ACACA: variants seen among roughly 807,000 people sequenced by gnomAD.
ACACA encodes the protein acetyl-CoA carboxylase alpha, also known as acetyl-CoA carboxylase 1.
In ACACA, 103 loss-of-function variants were observed where a neutral mutation model predicts 296.1. The observed-to-expected ratio is 0.35, with a 90% CI of 0.30 to 0.41. The LOEUF (loss-of-function observed/expected upper bound fraction) is 0.41, where lower values mean the gene tolerates loss of function less well. Ranked by LOEUF, ACACA falls within the 10% of genes least tolerant of loss-of-function variation. ACACA has a pLI of 1.00. For missense variants in ACACA, 1,554 were observed against 2,989.7 expected (o/e 0.52, Z 11.20); for synonymous variants, 953 against 1,038.6 (o/e 0.92, Z 1.58).
At chr17:37,299,657 C>T (rs755368447) in intron 3 of ACACA, 60 of 1,103,818 alleles carry the variant, frequency 5.4e-5, no homozygotes, top group Non-Finnish European at 6.3e-5. Flanking sequence ...GCTTGTTTAA[C>T]TAGAAAGTAG....
chr17:37,146,663 G>A (rs1039150329), intron 45 of ACACA, among the ~76,000 whole-genome samples: 8 of 144,786 alleles, frequency 5.5e-5, no homozygotes, highest in African/African-American at 2.1e-4. Context: ...TAAGAGGTGG[G>A]GGGGAAGGGG....
rs188774157 is a variant in ACACA, at chr17:37,327,423, T to C, written c.338+2750A>G. Among the ~76,000 whole-genome samples the C allele has an allele frequency of 3.3e-5, 5 of 152,366 alleles. No individual in the cohort carries two copies. The East Asian group carries it at 9.6e-4, about 29-fold the overall frequency. ...AGCTAGCTGAGGAGTGAGTTGGAAC[T>C]GGCATTGTCTCCTTTCCATGCTGCT... On this transcript the variant is annotated intron_variant, in intron 3 of 55. Coordinates refer to ENST00000616317, the MANE Select transcript of ACACA (RefSeq NM_198834.3).
At chr17:37,400,738 G>GTCTGTGCGTGTGTGTGTGTGTGTA (rs2051254800) in intron 1 of ACACA, among the ~76,000 whole-genome samples, 1 of 143,778 alleles carries the variant, frequency 7.0e-6, no homozygotes, top group African/African-American at 2.6e-5. Flanking sequence ...TTGTGTGTGT[G>GTCTGTGCGTGTGTGTGTGTGTGTA]TCTGTGTGTG....
chr17:37,150,373 C>G (rs2075986580), intron 44 of ACACA, among the ~76,000 whole-genome samples: 1 of 152,016 alleles, frequency 6.6e-6, no homozygotes, highest in Admixed American at 6.6e-5. Context: ...GAAACCCTGT[C>G]TCTAGCAAAA....
intron 50 of ACACA, among the ~76,000 whole-genome samples, chr17:37,118,346 T>C (rs2074356778): frequency 6.6e-6 from 1 of 152,100 alleles, no homozygotes; most frequent in Non-Finnish European, 1.5e-5. Flanking sequence ...CCAGTGATAG[T>C]TACACAACAC....
chr17:37,131,264 A>G lies in ACACA; in HGVS notation c.5680-1046T>C, dbSNP rs551242394. Among the ~76,000 whole-genome samples the G allele has an allele frequency of 2.0e-5, 3 of 152,290 alleles. No homozygotes were observed. The South Asian group carries it at 6.2e-4, about 32-fold the overall frequency. ...TTTAAAGAAGAAAAAAAGAGGAAGA[A>G]AAGATATTCCTGGACTTGGAAATTG... On this transcript the variant is annotated intron_variant, in intron 45 of 55. Coordinates refer to ENST00000616317, the MANE Select transcript of ACACA (RefSeq NM_198834.3).
At position 37,177,269 on chromosome 17, in the gene ACACA, CGTGTGTGT is replaced by C. The variant is rs112439511; in HGVS notation, c.5079+1983_5079+1990del. Among the ~76,000 whole-genome samples the C allele has an allele frequency of 1.2e-3, 171 of 146,526 alleles. 1 individual carries two copies. The South Asian group carries it at 0.016, about 14-fold the overall frequency. On this transcript the variant is annotated intron_variant, in intron 41 of 55. Coordinates refer to ENST00000616317, the MANE Select transcript of ACACA (RefSeq NM_198834.3). ...AAAAACCTTTAATTTTTAAAAAATT[CGTGTGTGT>C]GTGTGTGTGTGTGTGTGTGTGTGTG... is the stretch of plus-strand genomic sequence containing the variant.
intron 3 of ACACA, among the ~76,000 whole-genome samples, chr17:37,293,780 T>G (rs537550347): frequency 5.8e-4 from 89 of 152,238 alleles, no homozygotes; most frequent in East Asian, 7.7e-4. Flanking sequence ...CCTCGGGTGA[T>G]CCACCCTCCT....
chr17:37,239,338 T>G (rs2080275914), intron 24 of ACACA, among the ~76,000 whole-genome samples: 1 of 152,212 alleles, frequency 6.6e-6, no homozygotes, highest in Non-Finnish European at 1.5e-5. Context: ...TTTATTACTT[T>G]CTAGCTCTTA....
chr17:37,241,739 A>G (rs2145937852), intron 23 of ACACA, among the ~76,000 whole-genome samples: 1 of 152,250 alleles, frequency 6.6e-6, no homozygotes. Flanking sequence ...TAATTGACAG[A>G]AAAAAATGTA....
Position 37,129,614 on chromosome 17 carries a change from C to T in ACACA, c.5824-129G>A, listed in dbSNP as rs147196643. On this transcript the variant is annotated intron_variant, in intron 46 of 55. Transcript: ENST00000616317. Reference sequence around the variant, plus strand: ...AATTGCACCCAATAGTCCCAATCTTCAGCTGGAAGAATCCTACGTATGTGC... The same window carrying T: ...AATTGCACCCAATAGTCCCAATCTTTAGCTGGAAGAATCCTACGTATGTGC... 8.7e-4 allele frequency: 1,093 copies of T among 1,260,316 alleles called. 11 individuals are homozygous for T. In the Admixed American group the frequency reaches 0.011, roughly 13 times the overall value. 78.1% of individuals were successfully genotyped at this position (1,260,316 alleles called of 1,614,324 possible).
intron 24 of ACACA, among the ~76,000 whole-genome samples, chr17:37,237,109 C>T (rs1328784665): frequency 1.3e-5 from 2 of 152,044 alleles, no homozygotes; most frequent in African/African-American, 4.8e-5. Context: ...GGTTTTTGAA[C>T]CTGAAAAAAA....
chr17:37,380,415 T>TA (rs965538229), intron 1 of ACACA, among the ~76,000 whole-genome samples: 8 of 151,470 alleles, frequency 5.3e-5, no homozygotes, highest in African/African-American at 1.9e-4. Flanking sequence ...CCCTAAAACT[T>TA]AAAGTATAAT....
chr17:37,162,098 A>C, intron 41 of ACACA, 48 bp from the exon 42 acceptor site: 1 of 1,606,754 alleles, frequency 6.2e-7, no homozygotes, highest in Non-Finnish European at 8.5e-7. Context: ...TTACAGGCAG[A>C]ATTTTTTTCA....
intron 2 of ACACA, among the ~76,000 whole-genome samples, chr17:37,335,294 A>G (rs1309982489): frequency 6.6e-6 from 1 of 152,144 alleles, no homozygotes; most frequent in Non-Finnish European, 1.5e-5. Flanking sequence ...CAATGGAACA[A>G]CTTCAGCACA....
rs2076062261 is a variant in ACACA at position 37,151,964 on chromosome 17, TTTTG to T, written c.5448-547_5448-544del. Among the ~76,000 whole-genome samples, 3 of 140,884 alleles carry T rather than the reference TTTTG, an allele frequency of 2.1e-5. No individual in the cohort carries two copies. In the South Asian group the frequency reaches 6.7e-4, roughly 31 times the overall value. The allele number at this position is 140,884 out of a possible 152,430, so 92.4% of individuals were successfully genotyped here. ...CGTGAGCCACCGCGCCCGGCCTAAT[TTTTG>T]TTTTTTTTAGTAGAGACGGGGTTTC... On this transcript the variant is annotated intron_variant, in intron 43 of 55. Coordinates refer to ENST00000616317, the MANE Select transcript of ACACA (RefSeq NM_198834.3).
At chr17:37,265,095 G>A (rs2081696711) in intron 10 of ACACA, among the ~76,000 whole-genome samples, 2 of 152,328 alleles carry the variant, frequency 1.3e-5, no homozygotes, top group South Asian at 4.1e-4. Context: ...TCCAAGAGGG[G>A]AAGAAGCTGT....
Position 37,113,319 on chromosome 17 carries a change from T to C in ACACA, c.6275-54A>G, listed in dbSNP as rs1441925514. The stretch of plus-strand genomic sequence containing the variant: ...AAGAAATTTCTCTTCCTCAAAGCAG[T>C]ACTTTTAAACACTGTTCAGGACCTC... On this transcript the variant is annotated intron_variant, in intron 50 of 55. Coordinates refer to ENST00000616317, the MANE Select transcript of ACACA (RefSeq NM_198834.3). This position sits in a 1 kb window ranked among gnomAD's most constrained non-coding sequence, Gnocchi z 4.0. 3 of 1,583,190 alleles carry C rather than the reference T, an allele frequency of 1.9e-6. No individual in the cohort carries two copies. Among genetic ancestry groups the C allele is most frequent in the South Asian group, 1.1e-5 (1 of 88,796 alleles).
intron 1 of ACACA, among the ~76,000 whole-genome samples, chr17:37,344,594 A>T (rs2048532436): frequency 6.6e-6 from 1 of 152,022 alleles, no homozygotes; most frequent in African/African-American, 2.4e-5. Context: ...AAATAAACTA[A>T]AAAGGCATAA....
Sources: gnomAD v4.1 joint callset for allele counts (sites outside exome capture counted in the v4.1 genomes callset) on GRCh38, gnomAD v4.1.1 for gene constraint, Gnocchi (gnomAD v3.1) non-coding constraint, MANE v1.5 for transcripts, NCBI Gene and HGNC (gene_info 2026-07-23, HGNC 2026-07-21) for gene names.